Variants in MACC1 observed in about 807,000 individuals in gnomAD.
MACC1 encodes MET transcriptional regulator MACC1, also known as metastasis-associated in colon cancer protein 1.
Under a neutral mutation model 70.7 loss-of-function variants are expected in MACC1, and 79 were observed. The observed-to-expected ratio is 1.12, with a 90% CI of 0.93 to 1.35. The LOEUF is 1.35. Ranked by LOEUF, MACC1 falls within the 40% of genes most tolerant of loss-of-function variation. The probability of loss-of-function intolerance (pLI) is 0.00; values close to 1 mark genes in which losing one functional copy is unlikely to be tolerated. For synonymous variants in MACC1, 361 were observed against 347.2 expected, an observed-to-expected ratio of 1.04 and a Z score of -0.44; for missense variants, 1,106 against 978.1, an observed-to-expected ratio of 1.13 and a Z score of -1.74.
intron 1 of MACC1, among the ~76,000 whole-genome samples, chr7:20,177,188 G>C (rs879127166): frequency 1.3e-5 from 2 of 152,056 alleles, no homozygotes; most frequent in Non-Finnish European, 2.9e-5. Context: ...TCTATGATTA[G>C]TTTAAAATAA....
intron 6 of MACC1, among the ~76,000 whole-genome samples, chr7:20,146,809 A>T (rs1781898494): frequency 6.6e-6 from 1 of 152,254 alleles, no homozygotes; most frequent in African/African-American, 2.4e-5. Flanking sequence ...CACAAAAATT[A>T]TCTCAGCCTT....
Position 20,140,736 on chromosome 7 carries a change from G to GAA in MACC1, c.*208_*209dup. ...ATCAGTTAGGCTGTGCTTTCATCAG[G>GAA]AAAAAAAAACTGGTTTTGAGCATGA... On this transcript the variant is annotated 3_prime_UTR_variant, in exon 7 of 7. Transcript: ENST00000400331. 7.4e-6 allele frequency: 3 copies of GAA among 407,476 alleles called. No homozygotes were observed. The highest frequency in any genetic ancestry group is 8.6e-6 in the Non-Finnish European group (2 of 232,700). The allele number at this position is 407,476 out of a possible 1,614,324, so 25.2% of individuals were successfully genotyped here.
chr7:20,159,928 C>G lies in MACC1; in HGVS notation c.433G>C (p.Asp145His). Residue 145 changes from aspartate (D) to histidine (H), a missense_variant, in exon 5 of 7, where the codon GAC becomes CAC. Physicochemically the swap from Asp to His is moderately conservative, Grantham distance 81 (BLOSUM62 -1). Transcript: ENST00000400331. Reference sequence around the variant, plus strand: ...GCATGTGCTGTGTCGTCTAAAATGTCCAGAAGTTCTGAAACACTTTTAGAT... The same window carrying G: ...GCATGTGCTGTGTCGTCTAAAATGTGCAGAAGTTCTGAAACACTTTTAGAT... ...GRSKSVSELL[D>H]ILDDTAHAHQ... The G allele has an allele frequency of 6.2e-7, 1 of 1,614,106 alleles. No individual in the cohort carries two copies. Among genetic ancestry groups the G allele is most frequent in the South Asian group, 1.1e-5 (1 of 91,084 alleles).
intron 1 of MACC1, among the ~76,000 whole-genome samples, chr7:20,195,599 A>C (rs1293999510): frequency 6.6e-6 from 1 of 152,204 alleles, no homozygotes; most frequent in African/African-American, 2.4e-5. Flanking sequence ...ATTAGGCCCT[A>C]TACATCAAAA....
chr7:20,180,169 G>C lies in MACC1; in HGVS notation c.-217-9391C>G, dbSNP rs150532248. The stretch of plus-strand genomic sequence containing the variant: ...TCAAAAATATATAGGCAATGGCCAG[G>C]CATGGTGTCTCATGCCTGTAATCCC... On this transcript the variant is annotated intron_variant, in intron 1 of 6. Coordinates refer to ENST00000400331, the MANE Select transcript of MACC1 (RefSeq NM_182762.4). 7.4e-3 allele frequency among the ~76,000 whole-genome samples: 1,125 copies of C among 152,244 alleles called. 27 individuals carry two copies. The highest frequency in any genetic ancestry group is 0.038 in the Admixed American group (582 of 15,292).
intron 1 of MACC1, among the ~76,000 whole-genome samples, chr7:20,180,678 C>T (rs1189406117): frequency 6.6e-6 from 1 of 151,984 alleles, no homozygotes; most frequent in Non-Finnish European, 1.5e-5. Flanking sequence ...AACCCCATCT[C>T]TACTAAAAAT....
intron 1 of MACC1, among the ~76,000 whole-genome samples, chr7:20,203,719 G>A (rs558965982): frequency 6.6e-6 from 1 of 152,218 alleles, no homozygotes; most frequent in East Asian, 1.9e-4. Context: ...AGTCAGCGAG[G>A]AGCTCAAGAT....
Position 20,162,838 on chromosome 7 carries a change from C to A in MACC1, c.-8-968G>T, listed in dbSNP as rs572551719. On this transcript the variant is annotated intron_variant, in intron 3 of 6. Transcript: ENST00000400331. Reference sequence around the variant, plus strand: ...AAAACCTTAAAATTTGGAAGATAGTCTAGAGATCGTCTTTATGTTTTCTGG... The same window carrying A: ...AAAACCTTAAAATTTGGAAGATAGTATAGAGATCGTCTTTATGTTTTCTGG... Among the ~76,000 whole-genome samples, 146 of 152,230 alleles carry A rather than the reference C, an allele frequency of 9.6e-4. 1 individual carries two copies. The highest frequency in any genetic ancestry group is 4.3e-4 in the Non-Finnish European group (29 of 67,974).
In MACC1 at chr7:20,164,415, A is replaced by C. The variant is rs1394497975; in HGVS notation, c.-152-16T>G. 6.6e-6 allele frequency: 1 copy of C among 152,196 alleles called. No individual in the cohort carries two copies. Among genetic ancestry groups the C allele is most frequent in the Non-Finnish European group, 1.5e-5 (1 of 68,036 alleles). 9.4% of individuals were successfully genotyped at this position (152,196 alleles called of 1,614,324 possible). On this transcript the variant is annotated splice_polypyrimidine_tract_variant and intron_variant, in intron 2 of 6. Coordinates refer to ENST00000400331, the MANE Select transcript of MACC1 (RefSeq NM_182762.4). Reference sequence around the variant, plus strand: ...CTTTTCTGATCTATAAAAATGAAAGAAAAAATTAAAACAAGATGGAAAACA... The same window carrying C: ...CTTTTCTGATCTATAAAAATGAAAGCAAAAATTAAAACAAGATGGAAAACA...
rs1782114891 is a variant in MACC1 at position 20,159,801 on chromosome 7, T to G, written c.560A>C (p.Gln187Pro). Residue 187 changes from glutamine (Q) to proline (P), a missense_variant, in exon 5 of 7, where the codon CAG (glutamine) becomes CCG (proline). By Grantham distance (76) the Gln-to-Pro change is moderately conservative. Transcript: ENST00000400331. ...CAAATCAAGGCAGGAGCGGGCCAGC[T>G]GGCGTTGACTTAACCAAGCCATTTT... ...AYKMAWLSQR[Q>P]LARSCLDLNT... 1 of 1,614,012 alleles carries G rather than the reference T, an allele frequency of 6.2e-7. No homozygotes were observed. Among genetic ancestry groups the G allele is most frequent in the African/African-American group, 1.3e-5 (1 of 74,940 alleles).
chr7:20,200,105 A>G (rs1325605821), intron 1 of MACC1, among the ~76,000 whole-genome samples: 1 of 152,076 alleles, frequency 6.6e-6, no homozygotes, highest in African/African-American at 2.4e-5. Context: ...GAAGATAAAT[A>G]AAATTCATAA....
At chr7:20,203,251 A>C (rs752888597) in intron 1 of MACC1, among the ~76,000 whole-genome samples, 4 of 152,184 alleles carry the variant, frequency 2.6e-5, no homozygotes, top group Non-Finnish European at 5.9e-5. Flanking sequence ...ACATGGGTCT[A>C]CAGCCTTTGG....
intron 1 of MACC1, among the ~76,000 whole-genome samples, chr7:20,203,241 A>T (rs910626486): frequency 6.6e-6 from 1 of 152,132 alleles, no homozygotes; most frequent in Non-Finnish European, 1.5e-5. Flanking sequence ...TCCCCACACC[A>T]CATGGGTCTA....
At chr7:20,209,951 C>T (rs1443996443) in intron 1 of MACC1, among the ~76,000 whole-genome samples, 3 of 152,206 alleles carry the variant, frequency 2.0e-5, no homozygotes, top group Non-Finnish European at 2.9e-5. Flanking sequence ...TGCTGGCACT[C>T]ATTCTCTCTC....
rs1246195242 is a variant in MACC1 at position 20,140,192 on chromosome 7, C to T, written c.*754G>A. On this transcript the variant is annotated 3_prime_UTR_variant, in exon 7 of 7. Transcript: ENST00000400331. ...GACGATGAAAAAGAGTAGCAAGTCT[C>T]ACTTAAAATGAAACGGCAACTGTTT... The T allele has an allele frequency of 6.6e-6, 1 of 152,178 alleles. No homozygotes were observed. Among genetic ancestry groups the T allele is most frequent in the Non-Finnish European group, 1.5e-5 (1 of 68,026 alleles). The allele number at this position is 152,178 out of a possible 1,614,324, so 9.4% of individuals were successfully genotyped here.
intron 1 of MACC1, among the ~76,000 whole-genome samples, chr7:20,178,802 G>A (rs1274679364): frequency 6.6e-6 from 1 of 152,136 alleles, no homozygotes; most frequent in East Asian, 1.9e-4. Context: ...GTTTCTCCAT[G>A]TTGGTCAGGT....
intron 1 of MACC1, among the ~76,000 whole-genome samples, chr7:20,189,208 T>C (rs2128106831): frequency 6.6e-6 from 1 of 152,342 alleles, no homozygotes; most frequent in Admixed American, 6.5e-5. Context: ...ACACTTCTCA[T>C]TGTACTTCTC....
intron 6 of MACC1, among the ~76,000 whole-genome samples, chr7:20,150,219 A>G (rs1475071019): frequency 6.6e-6 from 1 of 152,200 alleles, no homozygotes; most frequent in African/African-American, 2.4e-5. Flanking sequence ...TAAGGAAAAA[A>G]TAATCATATT....
chr7:20,186,576 A>C (rs892941696), intron 1 of MACC1, among the ~76,000 whole-genome samples: 3 of 152,136 alleles, frequency 2.0e-5, no homozygotes, highest in Non-Finnish European at 4.4e-5. Flanking sequence ...TGGAATAATT[A>C]TTAAAATACT....
Sources: allele counts gnomAD v4.1 joint callset (sites outside exome capture counted in the v4.1 genomes callset), GRCh38; gene constraint gnomAD v4.1.1; transcripts MANE v1.5; gene names NCBI Gene and HGNC (gene_info 2026-07-23, HGNC 2026-07-21).